The following ZNF700 variants were observed in gnomAD, a reference collection of about 807,000 sequenced individuals.
ZNF700 encodes zinc finger protein 700.
ZNF700 carries 38 observed loss-of-function variants against 65.3 expected under a neutral mutation model. That is an observed-to-expected ratio of 0.58 (90% CI 0.45 to 0.76). The LOEUF is 0.76. Among genes scored for constraint, ZNF700 ranks in the 30% least tolerant of loss-of-function variants. The pLI is 0.00. For synonymous variants in ZNF700, 285 were observed against 290.4 expected (o/e 0.98, Z 0.19); for missense variants, 857 against 888.4 (o/e 0.96, Z 0.45).
intron 1 of ZNF700, among the ~76,000 whole-genome samples, chr19:11,930,708 A>G (rs1271858062): frequency 2.7e-5 from 4 of 148,170 alleles, no homozygotes; most frequent in Non-Finnish European, 5.9e-5. Context: ...ATTACCTTAA[A>G]TAGATGCCCA....
chr19:11,941,199 G>A (rs965762000), intron 1 of ZNF700, among the ~76,000 whole-genome samples: 4 of 152,348 alleles, frequency 2.6e-5, no homozygotes, highest in Admixed American at 6.5e-5. Context: ...GTTTCTCCAC[G>A]TCCCCACCAG....
At chr19:11,937,740 A>G (rs907311563) in intron 1 of ZNF700, among the ~76,000 whole-genome samples, 3 of 152,058 alleles carry the variant, frequency 2.0e-5, no homozygotes, top group African/African-American at 7.2e-5. Context: ...TGCCTGCCTC[A>G]GCCTCCCAAG....
Position 11,950,501 on chromosome 19 carries a change from T to A in ZNF700, c.*248T>A. The A allele has an allele frequency of 1.5e-6, 1 of 648,672 alleles. No individual in the cohort carries two copies. Among genetic ancestry groups the A allele is most frequent in the Non-Finnish European group, 2.8e-6 (1 of 351,682 alleles). The allele number at this position is 648,672 out of a possible 1,614,324, so 40.2% of individuals were successfully genotyped here. A position where few individuals can be genotyped will look rare whatever the true frequency, so the allele number is the denominator to read the frequency against. ...TGTATTCTAGTTCCGTTTGATATCA[T>A]GAAAGGACTTACACTGGAGTGAAAC... On this transcript the variant is annotated 3_prime_UTR_variant, in exon 4 of 4. Coordinates refer to ENST00000254321, the MANE Select transcript of ZNF700 (RefSeq NM_144566.3).
intron 1 of ZNF700, among the ~76,000 whole-genome samples, chr19:11,939,736 T>C (rs1972851081): frequency 1.3e-5 from 2 of 152,136 alleles, no homozygotes; most frequent in African/African-American, 4.8e-5. Context: ...ACTGGAATTA[T>C]AGGCATGAGT....
intron 1 of ZNF700, among the ~76,000 whole-genome samples, chr19:11,932,362 CA>C (rs1972726922): frequency 1.4e-5 from 2 of 147,070 alleles, no homozygotes; most frequent in South Asian, 4.2e-4. Flanking sequence ...AGAAAAGACA[CA>C]AAAAAATTAG....
intron 1 of ZNF700, among the ~76,000 whole-genome samples, chr19:11,928,528 C>T (rs1476463654): frequency 6.7e-6 from 1 of 148,580 alleles, no homozygotes; most frequent in African/African-American, 2.6e-5. Flanking sequence ...GTCAGGAGAT[C>T]GAGACCATCC....
chr19:11,942,729 A>G (rs1282734464), intron 1 of ZNF700, among the ~76,000 whole-genome samples: 4 of 152,148 alleles, frequency 2.6e-5, no homozygotes, highest in Admixed American at 6.6e-5. Context: ...TTCTCATACA[A>G]TGTCTGGAAT....
chr19:11,933,459 A>C (rs1972743935), intron 1 of ZNF700, among the ~76,000 whole-genome samples: 1 of 147,640 alleles, frequency 6.8e-6, no homozygotes, highest in Non-Finnish European at 1.5e-5. Context: ...ATCCACCATC[A>C]CAGTCTTATA....
chr19:11,931,649 CTG>C (rs1972715203), intron 1 of ZNF700, among the ~76,000 whole-genome samples: 1 of 148,242 alleles, frequency 6.7e-6, no homozygotes, highest in South Asian at 2.1e-4. Flanking sequence ...TAAAATATAA[CTG>C]TAGGCATATT....
At chr19:11,930,439 A>C (rs751553907) in intron 1 of ZNF700, among the ~76,000 whole-genome samples, 3 of 148,118 alleles carry the variant, frequency 2.0e-5, no homozygotes, top group Non-Finnish European at 4.4e-5. Flanking sequence ...GTAGAACTGG[A>C]AACTCTGTTG....
intron 1 of ZNF700, among the ~76,000 whole-genome samples, chr19:11,941,328 G>A (rs1158146978): frequency 6.6e-6 from 1 of 152,266 alleles, no homozygotes; most frequent in Non-Finnish European, 1.5e-5. Context: ...TGATGGGACT[G>A]GGTGCTGTGG....
In ZNF700 at chr19:11,929,331, T is replaced by C. The variant is rs8113624; in HGVS notation, c.63+4058T>C. On this transcript the variant is annotated intron_variant, in intron 1 of 3. Transcript: ENST00000254321. ...GACATGTGCCACCACACTCAGCTGA[T>C]TTTTGTATTTTTAGTAAAGACAGGG... is the stretch of plus-strand genomic sequence containing the variant. Among the ~76,000 whole-genome samples the C allele has an allele frequency of 1.9e-3, 276 of 147,912 alleles. 39 individuals carry two copies. Among genetic ancestry groups the C allele is most frequent in the African/African-American group, 6.9e-3 (260 of 37,752 alleles).
chr19:11,934,302 A>G (rs1972757546), intron 1 of ZNF700, among the ~76,000 whole-genome samples: 1 of 147,778 alleles, frequency 6.8e-6, no homozygotes, highest in African/African-American at 2.7e-5. Flanking sequence ...ATTTGGGTCA[A>G]TATTGTAGGA....
Position 11,949,391 on chromosome 19 carries a change from G to C in ZNF700, c.1367G>C (p.Arg456Thr). The C allele has an allele frequency of 1.2e-6, 2 of 1,613,908 alleles. No individual in the cohort carries two copies. The highest frequency in any genetic ancestry group is 1.7e-6 in the Non-Finnish European group (2 of 1,179,950). Residue 456 changes from arginine to threonine, a missense_variant, in exon 4 of 4, where the codon AGA (arginine) becomes ACA (threonine). This residue lies in a region of ZNF700 where 603 missense variants were observed against 619.9 expected (regional missense o/e 0.97). Transcript: ENST00000254321. ...YECKECGKAFRSTSHLRVHGR... is the reference protein window; with the variant it reads ...YECKECGKAFTSTSHLRVHGR... ...TGTAAGGAATGTGGGAAAGCCTTCA[G>C]ATCTACCTCACACCTTCGAGTGCAT...
rs1350852620 is a variant in ZNF700 at position 11,950,268 on chromosome 19, T to C, written c.*15T>C. 8 of 1,595,752 alleles carry C rather than the reference T, an allele frequency of 5.0e-6. No individual in the cohort carries two copies. The African/African-American group carries it at 9.5e-5, about 19-fold the overall frequency. On this transcript the variant is annotated 3_prime_UTR_variant, in exon 4 of 4. Transcript: ENST00000254321. ...CATTCAGCTAGCCTGGTTCCTTTTA[T>C]GGACATGAATAGACTCACACTGGAA...
At chr19:11,933,239 A>G (rs1335199637) in intron 1 of ZNF700, among the ~76,000 whole-genome samples, 1 of 145,516 alleles carries the variant, frequency 6.9e-6, no homozygotes, top group Non-Finnish European at 1.5e-5. Flanking sequence ...GCAACATAGC[A>G]AGGCCCTGTT....
rs560184389 is a variant in ZNF700 at position 11,926,929 on chromosome 19, A to T, written c.63+1656A>T. Among the ~76,000 whole-genome samples the T allele has an allele frequency of 7.2e-5, 11 of 152,296 alleles. No homozygotes were observed. The South Asian group carries it at 2.3e-3, about 32-fold the overall frequency. On this transcript the variant is annotated intron_variant, in intron 1 of 3. Coordinates refer to ENST00000254321, the MANE Select transcript of ZNF700 (RefSeq NM_144566.3). Reference sequence around the variant, plus strand: ...TAGGGAAATAGACTCAGTACTCCAAAACTGGAAGTTAAGTTCTTGCTTGTA... The same window carrying T: ...TAGGGAAATAGACTCAGTACTCCAATACTGGAAGTTAAGTTCTTGCTTGTA...
chr19:11,942,945 C>G (rs1235462873), intron 1 of ZNF700, among the ~76,000 whole-genome samples: 1 of 152,092 alleles, frequency 6.6e-6, no homozygotes, highest in Non-Finnish European at 1.5e-5. Context: ...AATGGGAGTT[C>G]TCACTTTCAT....
chr19:11,941,518 C>T (rs1266299522), intron 1 of ZNF700, among the ~76,000 whole-genome samples: 2 of 152,220 alleles, frequency 1.3e-5, no homozygotes, highest in South Asian at 2.1e-4. Context: ...CCCAGTACAC[C>T]CTCTGCAGCC....
Sources: allele counts gnomAD v4.1 joint callset (sites outside exome capture counted in the v4.1 genomes callset), GRCh38; gene constraint gnomAD v4.1.1; regional missense constraint gnomAD v4.1.1; transcripts MANE v1.5; gene names NCBI Gene and HGNC (gene_info 2026-07-23, HGNC 2026-07-21).